The following NALF1 variants were observed in gnomAD, a reference collection of about 807,000 sequenced individuals.
The protein encoded by NALF1 is family with sequence similarity 155 member A.
Under a neutral mutation model 48.4 loss-of-function variants are expected in NALF1, and 3 were observed. That is an observed-to-expected ratio of 0.06 (90% CI 0.03 to 0.16). The LOEUF (loss-of-function observed/expected upper bound fraction) is 0.16, where lower values mean the gene tolerates loss of function less well. Among genes scored for constraint, NALF1 ranks in the 10% least tolerant of loss-of-function variants. The pLI is 1.00. For synonymous variants in NALF1, 262 were observed against 245.7 expected (o/e 1.07, Z -0.62); for missense variants, 526 against 571.5 (o/e 0.92, Z 0.81).
At chr13:107,273,558 C>T (rs1881218583) in intron 1 of NALF1, among the ~76,000 whole-genome samples, 1 of 152,164 alleles carries the variant, frequency 6.6e-6, no homozygotes, top group Admixed American at 6.5e-5. Context: ...GAAACAGCAT[C>T]AAGAATTAAA....
intron 2 of NALF1, among the ~76,000 whole-genome samples, chr13:107,204,039 T>G (rs1259235772): frequency 7.7e-6 from 1 of 129,310 alleles, no homozygotes; most frequent in Non-Finnish European, 1.6e-5. Context: ...GCTCTCCAGG[T>G]GAGCTGGAGG....
chr13:107,668,165 CAA>C (rs1161011199), intron 1 of NALF1, among the ~76,000 whole-genome samples: 1 of 152,098 alleles, frequency 6.6e-6, no homozygotes, highest in Non-Finnish European at 1.5e-5. Context: ...TATCACCTAA[CAA>C]TCCACCAAAT....
rs1879552426 is a variant in NALF1, at chr13:107,622,525, C to T, written c.915+243157G>A. 2.0e-5 allele frequency among the ~76,000 whole-genome samples: 3 copies of T among 151,864 alleles called. No individual in the cohort carries two copies. The South Asian group carries it at 6.2e-4, about 32-fold the overall frequency. On this transcript the variant is annotated intron_variant, in intron 1 of 2. Coordinates refer to ENST00000375915, the MANE Select transcript of NALF1 (RefSeq NM_001080396.3). ...AGAAAAAAAGAAGCATTACTCTGTT[C>T]CATTGATAATCTGTCTCTGCTAAAT... is the stretch of plus-strand genomic sequence containing the variant.
intron 1 of NALF1, among the ~76,000 whole-genome samples, chr13:107,463,917 G>C (rs1218679259): frequency 6.6e-6 from 1 of 152,176 alleles, no homozygotes; most frequent in Non-Finnish European, 1.5e-5. Context: ...TCATAATCTA[G>C]TTTTTAAAAA....
intron 1 of NALF1, among the ~76,000 whole-genome samples, chr13:107,581,145 G>A (rs574130602): frequency 1.3e-5 from 2 of 152,110 alleles, no homozygotes; most frequent in African/African-American, 2.4e-5. Context: ...TTCCTCGGAC[G>A]CATTTTGATT....
intron 1 of NALF1, among the ~76,000 whole-genome samples, chr13:107,459,781 C>A (rs924038018): frequency 6.6e-6 from 1 of 152,050 alleles, no homozygotes; most frequent in Non-Finnish European, 1.5e-5. Context: ...CTCTGTGTCT[C>A]CCAGGCTGGA....
At chr13:107,587,844 T>C (rs12866068) in intron 1 of NALF1, among the ~76,000 whole-genome samples, 26,400 of 152,078 alleles carry the variant, frequency 0.17, 2,342 homozygotes, top group Middle Eastern at 0.27. Flanking sequence ...GGTGCACAGC[T>C]CTCTCACATG....
chr13:107,180,026 G>A (rs1167909760), intron 2 of NALF1, among the ~76,000 whole-genome samples: 2 of 148,540 alleles, frequency 1.3e-5, no homozygotes, highest in African/African-American at 5.0e-5. Flanking sequence ...CATATTTTGA[G>A]GATACCCCAT....
chr13:107,183,060 T>G (rs1238135937), intron 2 of NALF1, among the ~76,000 whole-genome samples: 3 of 152,174 alleles, frequency 2.0e-5, no homozygotes, highest in Non-Finnish European at 4.4e-5. Context: ...AGAGGTGTGA[T>G]TCATCCCTGC....
chr13:107,680,314 G>A lies in NALF1; in HGVS notation c.915+185368C>T, dbSNP rs190906363. On this transcript the variant is annotated intron_variant, in intron 1 of 2. Transcript: ENST00000375915. ...AACAGGTTGCTCCTGAGGAAGCTTCGGCACCACCCAGTGGACAAGAACAAG... is the reference window on the plus strand; with the variant it reads ...AACAGGTTGCTCCTGAGGAAGCTTCAGCACCACCCAGTGGACAAGAACAAG... Among the ~76,000 whole-genome samples the A allele has an allele frequency of 2.4e-4, 37 of 152,270 alleles. No homozygotes were observed. In the South Asian group the frequency reaches 6.4e-3, roughly 26 times the overall value.
chr13:107,366,789 A>T (rs1883159701), intron 1 of NALF1, among the ~76,000 whole-genome samples: 2 of 152,178 alleles, frequency 1.3e-5, no homozygotes, highest in African/African-American at 4.8e-5. Flanking sequence ...CTTATTGTTG[A>T]TCTGTTGCCC....
At chr13:107,753,723 C>A (rs1189776459) in intron 1 of NALF1, among the ~76,000 whole-genome samples, 1 of 152,066 alleles carries the variant, frequency 6.6e-6, no homozygotes, top group Non-Finnish European at 1.5e-5. Flanking sequence ...TGAAAGTAAA[C>A]TTTATAGGTA....
At chr13:107,456,970 T>C (rs1271469638) in intron 1 of NALF1, among the ~76,000 whole-genome samples, 2 of 152,156 alleles carry the variant, frequency 1.3e-5, no homozygotes, top group Non-Finnish European at 2.9e-5. Flanking sequence ...AATTTTTTTA[T>C]TAAAGCTCAT....
At chr13:107,679,620 A>G (rs1273207486) in intron 1 of NALF1, among the ~76,000 whole-genome samples, 1 of 152,138 alleles carries the variant, frequency 6.6e-6, no homozygotes, top group East Asian at 1.9e-4. Context: ...AGCGCCCCCC[A>G]CGGGGTCAGG....
At position 107,793,323 on chromosome 13, in the gene NALF1, A is replaced by C. The variant is rs11616467; in HGVS notation, c.915+72359T>G. Among the ~76,000 whole-genome samples, 1,229 of 152,298 alleles carry C rather than the reference A, an allele frequency of 8.1e-3. 8 individuals carry two copies. The highest frequency in any genetic ancestry group is 0.014 in the Non-Finnish European group (944 of 68,000). Reference sequence around the variant, plus strand: ...TATGTGTTGATAAGCACTCTCTACAACAACAGTGAAAAATTCACATTGTCA... The same window carrying C: ...TATGTGTTGATAAGCACTCTCTACACCAACAGTGAAAAATTCACATTGTCA... On this transcript the variant is annotated intron_variant, in intron 1 of 2. Transcript: ENST00000375915.
In NALF1 at chr13:107,629,729, T is replaced by A. The variant is rs8000440; in HGVS notation, c.915+235953A>T. Among the ~76,000 whole-genome samples, 698 of 152,320 alleles carry A rather than the reference T, an allele frequency of 4.6e-3. 5 individuals are homozygous for A. Among genetic ancestry groups the A allele is most frequent in the African/African-American group, 0.015 (628 of 41,574 alleles). ...CAACTCTTATAAATGCTACTTTAGA[T>A]AGATATAGATAGAAATGTTTTACAG... is the stretch of plus-strand genomic sequence containing the variant. On this transcript the variant is annotated intron_variant, in intron 1 of 2. Coordinates refer to ENST00000375915, the MANE Select transcript of NALF1 (RefSeq NM_001080396.3).
intron 1 of NALF1, among the ~76,000 whole-genome samples, chr13:107,310,065 T>TTGTG (rs1027420923): frequency 6.6e-6 from 1 of 151,824 alleles, no homozygotes; most frequent in African/African-American, 2.4e-5. Context: ...TTTATTTGTT[T>TTGTG]TGTGTGTGTG....
chr13:107,778,005 G>T (rs1294667065), intron 1 of NALF1, among the ~76,000 whole-genome samples: 1 of 152,134 alleles, frequency 6.6e-6, no homozygotes, highest in Non-Finnish European at 1.5e-5. Flanking sequence ...TGATTCATTT[G>T]CTGATGAATT....
intron 1 of NALF1, among the ~76,000 whole-genome samples, chr13:107,527,842 G>A (rs138076969): frequency 1.5e-3 from 229 of 152,194 alleles, no homozygotes; most frequent in African/African-American, 5.3e-3. Context: ...CCCCAGCCAC[G>A]TGGAACTGTG....
Sources: allele counts gnomAD v4.1 joint callset (sites outside exome capture counted in the v4.1 genomes callset), GRCh38; gene constraint gnomAD v4.1.1; transcripts MANE v1.5; gene names NCBI Gene and HGNC (gene_info 2026-07-23, HGNC 2026-07-21).